Variants in DYNC1LI1 observed in about 807,000 individuals in gnomAD.
The protein encoded by DYNC1LI1 is cytoplasmic dynein 1 light intermediate chain 1.
A neutral mutation model predicts 63.8 loss-of-function variants in DYNC1LI1; 19 were observed. That is an observed-to-expected ratio of 0.30 (90% CI 0.21 to 0.44). DYNC1LI1 has a LOEUF of 0.44. DYNC1LI1 is among the 20% of genes least tolerant of loss of function. The probability of loss-of-function intolerance (pLI) is 1.00; values close to 1 mark genes in which losing one functional copy is unlikely to be tolerated. For missense variants in DYNC1LI1, 565 were observed against 630.2 expected (o/e 0.90, Z 1.11); for synonymous variants, 225 against 232.3 (o/e 0.97, Z 0.28).
intron 2 of DYNC1LI1, among the ~76,000 whole-genome samples, chr3:32,557,518 G>A (rs780799493): frequency 3.3e-5 from 5 of 151,102 alleles, no homozygotes; most frequent in Admixed American, 1.3e-4. Context: ...GCAAGACTCC[G>A]TCTCAAAAAA....
rs148552840 is a variant in DYNC1LI1, at chr3:32,559,146, C to T, written c.220+11200G>A. On this transcript the variant is annotated intron_variant, in intron 2 of 12. Coordinates refer to ENST00000273130, the MANE Select transcript of DYNC1LI1 (RefSeq NM_016141.4). ...CCAGCAATCCTCCCACCTGAATTTC[C>T]CGAGTAACTTGCACTACAGGTGTGT... Among the ~76,000 whole-genome samples, 216 of 151,874 alleles carry T rather than the reference C, an allele frequency of 1.4e-3. 2 individuals carry two copies. Among genetic ancestry groups the T allele is most frequent in the African/African-American group, 4.7e-3 (196 of 41,370 alleles).
At chr3:32,560,613 T>C (rs1459662210) in intron 2 of DYNC1LI1, among the ~76,000 whole-genome samples, 1 of 152,178 alleles carries the variant, frequency 6.6e-6, no homozygotes, top group African/African-American at 2.4e-5. Flanking sequence ...TACCTTTGGA[T>C]TGATCATTCA....
intron 2 of DYNC1LI1, among the ~76,000 whole-genome samples, chr3:32,547,568 A>T (rs1361394565): frequency 1.3e-5 from 2 of 152,214 alleles, no homozygotes; most frequent in Non-Finnish European, 2.9e-5. Context: ...TACTGGGGCC[A>T]AGGTGAAGCC....
intron 2 of DYNC1LI1, among the ~76,000 whole-genome samples, chr3:32,556,207 A>G (rs1698112594): frequency 6.6e-6 from 1 of 152,172 alleles, no homozygotes; most frequent in Non-Finnish European, 1.5e-5. Flanking sequence ...ACCTGGGAGA[A>G]CGCTATCTTC....
intron 2 of DYNC1LI1, among the ~76,000 whole-genome samples, chr3:32,551,565 A>G (rs1323738656): frequency 6.6e-6 from 1 of 152,214 alleles, no homozygotes; most frequent in African/African-American, 2.4e-5. Context: ...GTGTGGAAGA[A>G]TGACTGACAA....
chr3:32,545,362 T>A, intron 3 of DYNC1LI1: 1 of 500,782 alleles, frequency 2.0e-6, no homozygotes, highest in Non-Finnish European at 3.5e-6. Flanking sequence ...ATCCTCTACT[T>A]CATATTTCTT....
At chr3:32,534,874 A>G (rs758940577) in intron 6 of DYNC1LI1, among the ~76,000 whole-genome samples, 7 of 152,362 alleles carry the variant, frequency 4.6e-5, no homozygotes, top group South Asian at 2.1e-4. Flanking sequence ...GGAAGGCAGA[A>G]GTCTCATTAA....
At chr3:32,570,561 TCCCGA>T (rs1698334602) in intron 1 of DYNC1LI1, 59 bp downstream of exon 1, 2 of 1,527,402 alleles carry the variant, frequency 1.3e-6, no homozygotes, top group Non-Finnish European at 8.8e-7. Context: ...GGGCACGGGA[TCCCGA>T]GGCGTCCGCG....
In DYNC1LI1 at chr3:32,526,742, G is replaced by A. The variant is rs947859621; in HGVS notation, c.*57C>T. ...TCTAATTCCACTTTTGAAGGAAAAG[G>A]CAGAGGCATGTTTACATTATCCCAG... On this transcript the variant is annotated 3_prime_UTR_variant, in exon 13 of 13. Transcript: ENST00000273130. 1.5e-6 allele frequency: 2 copies of A among 1,303,556 alleles called. No individual in the cohort carries two copies. The highest frequency in any genetic ancestry group is 1.5e-5 in the African/African-American group (1 of 67,968). 80.7% of individuals were successfully genotyped at this position (1,303,556 alleles called of 1,614,324 possible).
chr3:32,569,687 C>A (rs1413972976), intron 2 of DYNC1LI1, among the ~76,000 whole-genome samples: 2 of 152,164 alleles, frequency 1.3e-5, no homozygotes, highest in African/African-American at 2.4e-5. Flanking sequence ...ACAGAATACA[C>A]AACTTCCAGA....
chr3:32,536,671 C>T (rs1435140585), intron 6 of DYNC1LI1, among the ~76,000 whole-genome samples: 3 of 152,164 alleles, frequency 2.0e-5, no homozygotes, highest in Non-Finnish European at 4.4e-5. Context: ...AAACACAATA[C>T]TGACCTTGTC....
intron 4 of DYNC1LI1, among the ~76,000 whole-genome samples, chr3:32,541,453 C>T (rs1426417235): frequency 6.6e-6 from 1 of 152,094 alleles, no homozygotes; most frequent in African/African-American, 2.4e-5. Flanking sequence ...CTAGACCTGG[C>T]TCAATTTATG....
At chr3:32,558,208 G>T (rs966498740) in intron 2 of DYNC1LI1, among the ~76,000 whole-genome samples, 4 of 151,918 alleles carry the variant, frequency 2.6e-5, no homozygotes, top group Non-Finnish European at 5.9e-5. Context: ...TCTCCAGCCT[G>T]GGCAACAGAG....
chr3:32,534,574 T>G lies in DYNC1LI1; in HGVS notation c.905A>C (p.Gln302Pro). The change falls in exon 7 of 13, where the codon CAG becomes CCG. Residue 302 changes from glutamine (Q) to proline (P), a missense_variant. Gln to Pro is a moderately conservative substitution (Grantham distance 76, BLOSUM62 -1). Transcript: ENST00000273130. ...NIDLVYKYIVQKLYGFPYKIP... is the reference protein window; with the variant it reads ...NIDLVYKYIVPKLYGFPYKIP... ...CTTATAGGGAAATCCATATAGTTTC[T>G]GAACGATGTATTTATATACTAAGTC... 6.3e-7 allele frequency: 1 copy of G among 1,598,110 alleles called. No homozygotes were observed.
At chr3:32,530,732 G>A (rs1198293675) in intron 8 of DYNC1LI1, 1 of 510,082 alleles carries the variant, frequency 2.0e-6, no homozygotes, top group Non-Finnish European at 3.5e-6. Context: ...TTCTATATCT[G>A]TGCTGTTCAA....
intron 10 of DYNC1LI1, 58 bp from the exon 11 acceptor site, chr3:32,529,718 GTTA>G: frequency 6.9e-7 from 1 of 1,440,090 alleles, no homozygotes; most frequent in South Asian, 1.3e-5. Flanking sequence ...TTTCACAAAA[GTTA>G]TTATTGTAAA....
intron 2 of DYNC1LI1, among the ~76,000 whole-genome samples, chr3:32,552,990 C>T (rs1371921297): frequency 9.9e-5 from 15 of 152,146 alleles, no homozygotes; most frequent in South Asian, 2.1e-4. Context: ...CCACCACACC[C>T]GGCCTAAAAT....
intron 2 of DYNC1LI1, 142 bp from the exon 3 acceptor site, chr3:32,546,107 G>C (rs1244482257): frequency 5.0e-6 from 3 of 604,500 alleles, no homozygotes; most frequent in Non-Finnish European, 5.8e-6. Flanking sequence ...AGCAGCTACA[G>C]TATTAAACAT....
chr3:32,528,464 G>T lies in DYNC1LI1; in HGVS notation c.1444C>A (p.Pro482Thr). The T allele has an allele frequency of 1.9e-6, 3 of 1,614,056 alleles. No homozygotes were observed. Among genetic ancestry groups the T allele is most frequent in the African/African-American group, 1.3e-5 (1 of 75,006 alleles). Residue 482 changes from proline to threonine, a missense_variant, in exon 12 of 13, where the codon CCA becomes ACA. Pro to Thr is a conservative substitution (Grantham distance 38, BLOSUM62 -1). Coordinates refer to ENST00000273130, the MANE Select transcript of DYNC1LI1 (RefSeq NM_016141.4). ...GAGGGSSGLP[P>T]STKKSGQKPV... ...AGCATACCTGACTTTTTGGTGGATGGTGGTAAACCACTGCTTCCACCTCCA... is the reference window on the plus strand; with the variant it reads ...AGCATACCTGACTTTTTGGTGGATGTTGGTAAACCACTGCTTCCACCTCCA...
Sources: gnomAD v4.1 joint callset for allele counts (sites outside exome capture counted in the v4.1 genomes callset) on GRCh38, gnomAD v4.1.1 for gene constraint, MANE v1.5 for transcripts, NCBI Gene and HGNC (gene_info 2026-07-23, HGNC 2026-07-21) for gene names.